The following DNAAF9 variants were observed in gnomAD, a reference collection of about 807,000 sequenced individuals.
The protein encoded by DNAAF9 is shulin.
DNAAF9 carries 90 observed loss-of-function variants against 167.0 expected under a neutral mutation model. The ratio of observed to expected loss-of-function variants is 0.54; its 90% CI spans 0.45 to 0.64. DNAAF9 has a LOEUF of 0.64. Ranked by LOEUF, DNAAF9 falls within the 30% of genes least tolerant of loss-of-function variation. DNAAF9 has a pLI of 0.00. For synonymous variants in DNAAF9, 491 were observed against 508.8 expected (o/e 0.96, Z 0.47); for missense variants, 1,315 against 1,442.2 (o/e 0.91, Z 1.43).
At position 3,407,498 on chromosome 20, in the gene DNAAF9, G is replaced by A. The variant is rs2084080375; in HGVS notation, c.60C>T (p.Ser20=). 2 of 1,292,328 alleles carry A rather than the reference G, an allele frequency of 1.5e-6. No homozygotes were observed. The highest frequency in any genetic ancestry group is 2.5e-5 in the South Asian group (1 of 39,998). 80.1% of individuals were successfully genotyped at this position (1,292,328 alleles called of 1,614,324 possible). A position where few individuals can be genotyped will look rare whatever the true frequency, so the allele number is the denominator to read the frequency against. Residue 20 remains serine, a synonymous_variant, in exon 1 of 37, where the codon TCC becomes TCT. Transcript: ENST00000252032. The part of the protein sequence containing the change: ...GLPRARSPGG[S]SRGSPSVSCS... ...ACCTGACGGAGGGTGACCCGCGGCTGGAGCCGCCAGGGGACCGAGCGCGGG... is the reference window on the plus strand; with the variant it reads ...ACCTGACGGAGGGTGACCCGCGGCTAGAGCCGCCAGGGGACCGAGCGCGGG...
chr20:3,381,385 G>T lies in DNAAF9; in HGVS notation c.277C>A (p.Leu93Ile). The change falls in exon 3 of 37, where the codon CTA (leucine) becomes ATA (isoleucine). Residue 93 changes from leucine to isoleucine, a missense_variant. Physicochemically the swap from Leu to Ile is conservative, Grantham distance 5 (BLOSUM62 2). Coordinates refer to ENST00000252032, the MANE Select transcript of DNAAF9 (RefSeq NM_001009984.3). ...TTTACCAATATATACTTACCATCTA[G>T]TACTTCTTCAGAAAATCCCGTTTTC... ...FEKTGFSEEV[L>I]DDVIILIKSD... 6.2e-7 allele frequency: 1 copy of T among 1,607,558 alleles called. No individual in the cohort carries two copies. Among genetic ancestry groups the T allele is most frequent in the African/African-American group, 1.3e-5 (1 of 74,774 alleles).
chr20:3,354,047 T>A (rs1201225107), intron 7 of DNAAF9, among the ~76,000 whole-genome samples: 1 of 152,224 alleles, frequency 6.6e-6, no homozygotes, highest in Non-Finnish European at 1.5e-5. Flanking sequence ...TTATTTTATG[T>A]ATATTGTCCT....
chr20:3,355,036 C>T (rs2083265377), intron 7 of DNAAF9, among the ~76,000 whole-genome samples: 1 of 152,150 alleles, frequency 6.6e-6, no homozygotes, highest in African/African-American at 2.4e-5. Flanking sequence ...AACTACAGTG[C>T]TATTCTGGCC....
intron 7 of DNAAF9, 134 bp downstream of exon 7, chr20:3,359,382 A>T: frequency 1.5e-6 from 1 of 662,004 alleles, no homozygotes; most frequent in Non-Finnish European, 2.6e-6. Context: ...GACAATAATC[A>T]AGGAAGAAAC....
chr20:3,355,038 A>G (rs2083265429), intron 7 of DNAAF9, among the ~76,000 whole-genome samples: 1 of 152,172 alleles, frequency 6.6e-6, no homozygotes, highest in Admixed American at 6.5e-5. Flanking sequence ...CTACAGTGCT[A>G]TTCTGGCCTC....
At chr20:3,390,075 C>T (rs2083805554) in intron 1 of DNAAF9, among the ~76,000 whole-genome samples, 1 of 151,508 alleles carries the variant, frequency 6.6e-6, no homozygotes, top group Non-Finnish European at 1.5e-5. Flanking sequence ...ATCTGTGAGA[C>T]ATCTGAGAAA....
intron 10 of DNAAF9, 52 bp downstream of exon 10, chr20:3,340,452 C>CCCCCCCCCT: frequency 1.2e-6 from 1 of 864,596 alleles, no homozygotes; most frequent in Non-Finnish European, 1.6e-6. Flanking sequence ...CCACCCCACC[C>CCCCCCCCCT]CCACAACTTG....
Position 3,332,187 on chromosome 20 carries a change from C to T in DNAAF9, c.1063+93G>A, listed in dbSNP as rs528715981. 2.1e-5 allele frequency: 15 copies of T among 710,710 alleles called. No individual in the cohort carries two copies. The South Asian group carries it at 2.4e-4, about 11-fold the overall frequency. The allele number at this position is 710,710 out of a possible 1,614,324, so 44.0% of individuals were successfully genotyped here. On this transcript the variant is annotated intron_variant, in intron 11 of 36. Transcript: ENST00000252032. ...CCACAAATTGGGTAACCTGAGCTTC[C>T]AAGCAAAGTAGTGAATTGTATGTCA...
At chr20:3,392,412 T>C (rs773769037) in intron 1 of DNAAF9, among the ~76,000 whole-genome samples, 1 of 152,202 alleles carries the variant, frequency 6.6e-6, no homozygotes, top group Non-Finnish European at 1.5e-5. Context: ...AGATGACTGA[T>C]AGATGACAAA....
Position 3,316,714 on chromosome 20 carries a change from G to A in DNAAF9, c.1539+9C>T. ...GTAGGTCCACTTCCACCTGATGAATGACACTAACCAGCCAGGAGCAGAATC... is the reference window on the plus strand; with the variant it reads ...GTAGGTCCACTTCCACCTGATGAATAACACTAACCAGCCAGGAGCAGAATC... On this transcript the variant is annotated intron_variant, in intron 18 of 36. Coordinates refer to ENST00000252032, the MANE Select transcript of DNAAF9 (RefSeq NM_001009984.3). 6.2e-7 allele frequency: 1 copy of A among 1,607,248 alleles called. No individual in the cohort carries two copies. The highest frequency in any genetic ancestry group is 8.5e-7 in the Non-Finnish European group (1 of 1,174,060).
rs1452419433 is a variant in DNAAF9 at position 3,270,833 on chromosome 20, G to A, written c.2651-271C>T. ...CTATCTTTTTTTTTTTTTTTTTTAA[G>A]ACGGTGTCTCACTCTGTTGCCCAGG... is the stretch of plus-strand genomic sequence containing the variant. On this transcript the variant is annotated intron_variant, in intron 29 of 36. Transcript: ENST00000252032. Among the ~76,000 whole-genome samples, 9 of 138,066 alleles carry A rather than the reference G, an allele frequency of 6.5e-5. 1 individual carries two copies. The highest frequency in any genetic ancestry group is 1.1e-4 in the Non-Finnish European group (7 of 64,838). The allele number at this position is 138,066 out of a possible 152,430, so 90.6% of individuals were successfully genotyped here. A position where few individuals can be genotyped will look rare whatever the true frequency, so the allele number is the denominator to read the frequency against.
chr20:3,388,135 G>A (rs2083777334), intron 1 of DNAAF9, among the ~76,000 whole-genome samples: 3 of 150,560 alleles, frequency 2.0e-5, no homozygotes, highest in Non-Finnish European at 4.4e-5. Flanking sequence ...AAATGGCCAA[G>A]CACATGAAAA....
In DNAAF9 at chr20:3,361,961, C is replaced by G. The variant is rs1298993460; in HGVS notation, c.613-2368G>C. Reference sequence around the variant, plus strand: ...ACATCATTAGGCGCCGAAACTCTTGCAGGACAACTTTGATGCTATATGAAT... The same window carrying G: ...ACATCATTAGGCGCCGAAACTCTTGGAGGACAACTTTGATGCTATATGAAT... On this transcript the variant is annotated intron_variant, in intron 6 of 36. Coordinates refer to ENST00000252032, the MANE Select transcript of DNAAF9 (RefSeq NM_001009984.3). 5.9e-6 allele frequency: 9 copies of G among 1,537,710 alleles called. No individual in the cohort carries two copies. In the African/African-American group the frequency reaches 9.5e-5, roughly 16 times the overall value.
chr20:3,373,958 T>C, intron 6 of DNAAF9, 90 bp downstream of exon 6: 1 of 773,502 alleles, frequency 1.3e-6, no homozygotes, highest in Non-Finnish European at 2.2e-6. Context: ...GCCAGCTTTT[T>C]GGTGTTATAA....
At chr20:3,388,025 G>A (rs2083774638) in intron 1 of DNAAF9, among the ~76,000 whole-genome samples, 2 of 147,520 alleles carry the variant, frequency 1.4e-5, no homozygotes, top group Non-Finnish European at 3.0e-5. Flanking sequence ...ATGTGTTCAC[G>A]CCACTGCACT....
intron 26 of DNAAF9, among the ~76,000 whole-genome samples, chr20:3,288,721 A>T (rs2068896666): frequency 6.6e-6 from 1 of 152,124 alleles, no homozygotes; most frequent in Non-Finnish European, 1.5e-5. Context: ...CACCTGGTTC[A>T]ATCTGCAAGG....
At chr20:3,297,433 C>G (rs1181217521) in intron 22 of DNAAF9, among the ~76,000 whole-genome samples, 1 of 152,194 alleles carries the variant, frequency 6.6e-6, no homozygotes, top group Non-Finnish European at 1.5e-5. Context: ...CTCTTGCATC[C>G]TCTATGGTCT....
At chr20:3,397,088 A>C (rs2083918966) in intron 1 of DNAAF9, among the ~76,000 whole-genome samples, 1 of 152,032 alleles carries the variant, frequency 6.6e-6, no homozygotes, top group South Asian at 2.1e-4. Context: ...CTCTACAAAA[A>C]ACACAAAAAT....
chr20:3,277,371 C>T (rs1600692510), intron 29 of DNAAF9, among the ~76,000 whole-genome samples: 1 of 152,186 alleles, frequency 6.6e-6, no homozygotes, highest in Non-Finnish European at 1.5e-5. Context: ...CTGGAACCTC[C>T]ACCCTCACCC....
Sources: gnomAD v4.1 joint callset for allele counts (sites outside exome capture counted in the v4.1 genomes callset) on GRCh38, gnomAD v4.1.1 for gene constraint, MANE v1.5 for transcripts, NCBI Gene and HGNC (gene_info 2026-07-23, HGNC 2026-07-21) for gene names.